The following UNC5C variants were observed in gnomAD, a reference collection of about 807,000 sequenced individuals.
UNC5C encodes netrin receptor UNC5C.
In UNC5C, 47 loss-of-function variants were observed where a neutral mutation model predicts 99.8. That is an observed-to-expected ratio of 0.47 (90% CI 0.37 to 0.60). The LOEUF (loss-of-function observed/expected upper bound fraction) is 0.60, where lower values mean the gene tolerates loss of function less well. Among genes scored for constraint, UNC5C ranks in the 20% least tolerant of loss-of-function variants. UNC5C has a pLI of 0.00. For missense variants in UNC5C, 1,062 were observed against 1,165.9 expected (o/e 0.91, Z 1.30); for synonymous variants, 487 against 452.2 (o/e 1.08, Z -0.98).
chr4:95,400,229 T>C (rs1745647839), intron 1 of UNC5C, among the ~76,000 whole-genome samples: 1 of 152,100 alleles, frequency 6.6e-6, no homozygotes, highest in African/African-American at 2.4e-5. Flanking sequence ...TTCCCATCAT[T>C]AGGTTACATT....
chr4:95,212,957 T>C (rs1738125021), intron 10 of UNC5C, among the ~76,000 whole-genome samples: 1 of 152,220 alleles, frequency 6.6e-6, no homozygotes, highest in African/African-American at 2.4e-5. Context: ...CCTGCATTAC[T>C]GCCAGGGCCC....
intron 7 of UNC5C, among the ~76,000 whole-genome samples, chr4:95,222,549 G>C (rs7676599): frequency 0.33 from 49,664 of 151,956 alleles, 8,883 homozygotes; most frequent in East Asian, 0.71. Context: ...AACTCTAATG[G>C]ATCTAATTTA....
At chr4:95,396,603 G>C (rs1195716301) in intron 1 of UNC5C, among the ~76,000 whole-genome samples, 2 of 152,116 alleles carry the variant, frequency 1.3e-5, no homozygotes, top group Non-Finnish European at 2.9e-5. Context: ...CACCACTGGA[G>C]TGAAAACTTC....
At chr4:95,379,571 T>A (rs1745001454) in intron 1 of UNC5C, among the ~76,000 whole-genome samples, 1 of 152,184 alleles carries the variant, frequency 6.6e-6, no homozygotes. Flanking sequence ...TACACATGTG[T>A]GAGCTTTCAA....
intron 1 of UNC5C, among the ~76,000 whole-genome samples, chr4:95,542,853 G>A (rs987215497): frequency 6.6e-6 from 1 of 151,966 alleles, no homozygotes; most frequent in Non-Finnish European, 1.5e-5. Flanking sequence ...GCTCATAAAA[G>A]TGTTCCTATA....
At chr4:95,409,066 A>G (rs1745905588) in intron 1 of UNC5C, among the ~76,000 whole-genome samples, 1 of 152,170 alleles carries the variant, frequency 6.6e-6, no homozygotes, top group Non-Finnish European at 1.5e-5. Flanking sequence ...TATATTCTAG[A>G]TTATTTGATT....
At chr4:95,446,386 A>G (rs570864477) in intron 1 of UNC5C, among the ~76,000 whole-genome samples, 13 of 152,216 alleles carry the variant, frequency 8.5e-5, no homozygotes, top group Middle Eastern at 3.4e-3. Flanking sequence ...ATATTACAAT[A>G]CAAATTCTTA....
intron 1 of UNC5C, among the ~76,000 whole-genome samples, chr4:95,401,475 T>C (rs1011819442): frequency 6.6e-6 from 1 of 151,942 alleles, no homozygotes; most frequent in Non-Finnish European, 1.5e-5. Flanking sequence ...CTAAGGTTTT[T>C]TTGTAGCTTT....
intron 4 of UNC5C, among the ~76,000 whole-genome samples, chr4:95,274,676 G>T (rs1296112437): frequency 6.6e-6 from 1 of 152,040 alleles, no homozygotes; most frequent in East Asian, 1.9e-4. Context: ...AAAATATAAG[G>T]GCTGGTCTAG....
At chr4:95,305,787 G>A (rs1290405617) in intron 2 of UNC5C, among the ~76,000 whole-genome samples, 2 of 152,172 alleles carry the variant, frequency 1.3e-5, no homozygotes, top group Non-Finnish European at 2.9e-5. Flanking sequence ...TGATGAGTAT[G>A]AGTGTGCACT....
intron 1 of UNC5C, among the ~76,000 whole-genome samples, chr4:95,456,968 C>T (rs963709228): frequency 1.3e-5 from 2 of 152,050 alleles, no homozygotes; most frequent in African/African-American, 4.8e-5. Flanking sequence ...ATACTATGTT[C>T]ATTTCTAAGT....
At chr4:95,444,087 A>G (rs1747025603) in intron 1 of UNC5C, among the ~76,000 whole-genome samples, 4 of 152,198 alleles carry the variant, frequency 2.6e-5, no homozygotes. Flanking sequence ...CTTTGAGAGC[A>G]TGAAACTAAC....
At chr4:95,543,848 A>G (rs1382739840) in intron 1 of UNC5C, among the ~76,000 whole-genome samples, 1 of 152,174 alleles carries the variant, frequency 6.6e-6, no homozygotes, top group Non-Finnish European at 1.5e-5. Context: ...AGAAGGGAAG[A>G]AAAGAGACTG....
In UNC5C at chr4:95,343,480, A is replaced by G. The variant is rs1586162; in HGVS notation, c.125-7849T>C. 7.8e-4 allele frequency among the ~76,000 whole-genome samples: 118 copies of G among 152,240 alleles called. No homozygotes were observed. The South Asian group carries it at 8.5e-3, about 11-fold the overall frequency. On this transcript the variant is annotated intron_variant, in intron 1 of 15. Transcript: ENST00000453304. ...GCTTGGGATGCCACCTAATGCACAC[A>G]TAGCTGGAGTGACCAAAAACTTAGA...
rs144760094 is a variant in UNC5C, at chr4:95,178,971, A to G, written c.2451+3926T>C. Among the ~76,000 whole-genome samples the G allele has an allele frequency of 5.9e-5, 9 of 152,254 alleles. No individual in the cohort carries two copies. In the East Asian group the frequency reaches 1.7e-3, roughly 29 times the overall value. ...ACGTTTATACATTTACATTTCATCT[A>G]GTAATTTTAGTTGCTATTAGTTCTT... On this transcript the variant is annotated intron_variant, in intron 14 of 15. Transcript: ENST00000453304.
intron 1 of UNC5C, among the ~76,000 whole-genome samples, chr4:95,468,699 A>G (rs962123639): frequency 1.3e-5 from 2 of 152,118 alleles, no homozygotes; most frequent in Admixed American, 1.3e-4. Context: ...AATCTTTACC[A>G]TAGAGGACTA....
At chr4:95,371,147 G>A (rs116532558) in intron 1 of UNC5C, among the ~76,000 whole-genome samples, 2 of 152,160 alleles carry the variant, frequency 1.3e-5, no homozygotes, top group Non-Finnish European at 2.9e-5. Context: ...TGGATTGAAA[G>A]CCTGTCTGTT....
At chr4:95,170,842 C>T (rs1366975193) in intron 14 of UNC5C, among the ~76,000 whole-genome samples, 1 of 152,196 alleles carries the variant, frequency 6.6e-6, no homozygotes, top group African/African-American at 2.4e-5. Context: ...CTCAGTTCTG[C>T]TTTTGTTGAA....
At chr4:95,208,729 A>G (rs539021228) in intron 10 of UNC5C, among the ~76,000 whole-genome samples, 1 of 152,328 alleles carries the variant, frequency 6.6e-6, no homozygotes, top group African/African-American at 2.4e-5. Context: ...AACCCATTAA[A>G]ATGGACATTG....
Sources: allele counts gnomAD v4.1 joint callset (sites outside exome capture counted in the v4.1 genomes callset), GRCh38; gene constraint gnomAD v4.1.1; transcripts MANE v1.5; gene names NCBI Gene and HGNC (gene_info 2026-07-23, HGNC 2026-07-21).